CNTN4: variants seen among roughly 807,000 people sequenced by gnomAD.
The protein encoded by CNTN4 is contactin 4, also known as contactin-4.
Under a neutral mutation model 122.5 loss-of-function variants are expected in CNTN4, and 77 were observed. That is an observed-to-expected ratio of 0.63 (90% CI 0.52 to 0.76). CNTN4 has a LOEUF of 0.76. Ranked by LOEUF, CNTN4 falls within the 30% of genes least tolerant of loss-of-function variation. CNTN4 has a pLI of 0.00. For missense variants in CNTN4, 1,256 were observed against 1,259.1 expected (o/e 1.00, Z 0.04); for synonymous variants, 512 against 447.0 (o/e 1.15, Z -1.83).
chr3:2,317,395 A>G (rs558991258), intron 2 of CNTN4, among the ~76,000 whole-genome samples: 2 of 152,318 alleles, frequency 1.3e-5, no homozygotes, highest in South Asian at 4.1e-4. Flanking sequence ...AATAATAACC[A>G]AAACACTCAG....
At chr3:2,117,839 A>T (rs558947885) in intron 2 of CNTN4, among the ~76,000 whole-genome samples, 1 of 152,252 alleles carries the variant, frequency 6.6e-6, no homozygotes, top group East Asian at 1.9e-4. Flanking sequence ...ATTCTGGATG[A>T]TTTATTTATT....
intron 4 of CNTN4, among the ~76,000 whole-genome samples, chr3:2,703,715 T>A (rs569510674): frequency 2.0e-5 from 3 of 152,144 alleles, no homozygotes; most frequent in South Asian, 4.1e-4. Flanking sequence ...AAAATTGTAA[T>A]CATAGTTACT....
At chr3:2,825,667 C>A (rs991171609) in intron 7 of CNTN4, among the ~76,000 whole-genome samples, 4 of 152,116 alleles carry the variant, frequency 2.6e-5, no homozygotes, top group Non-Finnish European at 4.4e-5. Context: ...CCAGACTGGG[C>A]AACAGAGTGA....
At chr3:2,108,346 T>A (rs773279547) in intron 2 of CNTN4, among the ~76,000 whole-genome samples, 1 of 152,150 alleles carries the variant, frequency 6.6e-6, no homozygotes, top group African/African-American at 2.4e-5. Flanking sequence ...CATACTCTCA[T>A]TGTACTTGTT....
chr3:2,813,752 A>C (rs914541511), intron 6 of CNTN4, among the ~76,000 whole-genome samples: 1 of 152,146 alleles, frequency 6.6e-6, no homozygotes. Flanking sequence ...GACTATAATC[A>C]GGTATTTATG....
At chr3:2,235,584 T>A (rs1397345912) in intron 2 of CNTN4, among the ~76,000 whole-genome samples, 1 of 152,184 alleles carries the variant, frequency 6.6e-6, no homozygotes, top group Non-Finnish European at 1.5e-5. Flanking sequence ...AACTGTTTAG[T>A]AAGAGGAGCT....
At chr3:2,591,242 A>C (rs1012002385) in intron 4 of CNTN4, among the ~76,000 whole-genome samples, 1 of 152,096 alleles carries the variant, frequency 6.6e-6, no homozygotes, top group African/African-American at 2.4e-5. Flanking sequence ...TTTTGAATAT[A>C]TGAATAATTG....
chr3:2,838,834 T>C (rs910287323), intron 7 of CNTN4, among the ~76,000 whole-genome samples: 1 of 152,162 alleles, frequency 6.6e-6, no homozygotes, highest in East Asian at 1.9e-4. Context: ...TAATGGACTG[T>C]CCCGCCGTAA....
intron 4 of CNTN4, among the ~76,000 whole-genome samples, chr3:2,701,757 T>C (rs9811943): frequency 0.093 from 14,098 of 152,168 alleles, 1,171 homozygotes; most frequent in African/African-American, 0.22. Context: ...TCTTGTGATT[T>C]CTCTTTCATG....
chr3:2,529,633 G>T (rs140564463), intron 3 of CNTN4, among the ~76,000 whole-genome samples: 1 of 152,144 alleles, frequency 6.6e-6, no homozygotes, highest in African/African-American at 2.4e-5. Context: ...CATGAGAGGA[G>T]ACATTGTTGG....
intron 13 of CNTN4, among the ~76,000 whole-genome samples, chr3:2,952,956 C>G (rs889634337): frequency 5.9e-5 from 9 of 152,226 alleles, no homozygotes; most frequent in African/African-American, 2.2e-4. Flanking sequence ...CTCCCCCAAA[C>G]TCTCCAGCTC....
At chr3:2,749,401 G>A (rs1047393728) in intron 6 of CNTN4, among the ~76,000 whole-genome samples, 1 of 147,048 alleles carries the variant, frequency 6.8e-6, no homozygotes, top group African/African-American at 2.5e-5. Context: ...TCGAACTCCT[G>A]ATCTCAAGTG....
At chr3:2,260,889 G>C (rs2040809222) in intron 2 of CNTN4, among the ~76,000 whole-genome samples, 1 of 151,578 alleles carries the variant, frequency 6.6e-6, no homozygotes, top group Admixed American at 6.6e-5. Context: ...CGCCACGCTT[G>C]GCTAAATTTT....
chr3:2,666,416 T>C lies in CNTN4; in HGVS notation c.56-69799T>C, dbSNP rs544577474. Among the ~76,000 whole-genome samples the C allele has an allele frequency of 2.1e-3, 316 of 152,224 alleles. 4 individuals carry two copies. The highest frequency in any genetic ancestry group is 7.5e-3 in the African/African-American group (311 of 41,538). Reference sequence around the variant, plus strand: ...TAAGAAAATAGACATTGAAAAAAACTGTTTCAGGGAAAAAACATTTTCCTT... The same window carrying C: ...TAAGAAAATAGACATTGAAAAAAACCGTTTCAGGGAAAAAACATTTTCCTT... On this transcript the variant is annotated intron_variant, in intron 4 of 24. Coordinates refer to ENST00000418658, the MANE Select transcript of CNTN4 (RefSeq NM_175607.3).
At chr3:2,391,454 TTATA>T (rs1325037413) in intron 3 of CNTN4, among the ~76,000 whole-genome samples, 18 of 152,312 alleles carry the variant, frequency 1.2e-4, no homozygotes, top group African/African-American at 4.1e-4. Context: ...AGCTTTGGTA[TTATA>T]TGAAGAATAC....
intron 2 of CNTN4, among the ~76,000 whole-genome samples, chr3:2,202,553 A>G (rs981822989): frequency 1.1e-4 from 17 of 152,148 alleles, no homozygotes; most frequent in African/African-American, 3.9e-4. Context: ...CCAAAGTCTC[A>G]AGGTGATGGA....
chr3:3,003,715 C>CA (rs1206039949), intron 14 of CNTN4, among the ~76,000 whole-genome samples: 2 of 84,806 alleles, frequency 2.4e-5, no homozygotes, highest in East Asian at 4.7e-4. Flanking sequence ...AAAAAAAAAA[C>CA]AAAAAAACCC....
intron 7 of CNTN4, among the ~76,000 whole-genome samples, chr3:2,839,810 C>G (rs1577010021): frequency 6.6e-6 from 1 of 152,182 alleles, no homozygotes; most frequent in South Asian, 2.1e-4. Context: ...CACTTACAGA[C>G]CGAGCACAGT....
chr3:2,274,719 G>A (rs1243059199), intron 2 of CNTN4, among the ~76,000 whole-genome samples: 2 of 152,124 alleles, frequency 1.3e-5, no homozygotes, highest in African/African-American at 4.8e-5. Context: ...TGAGGAGGGA[G>A]GAGGGAAGCC....
Sources: gnomAD v4.1 joint callset for allele counts (sites outside exome capture counted in the v4.1 genomes callset) on GRCh38, gnomAD v4.1.1 for gene constraint, MANE v1.5 for transcripts, NCBI Gene and HGNC (gene_info 2026-07-23, HGNC 2026-07-21) for gene names.